The following MYO1B variants were observed in gnomAD, a reference collection of about 807,000 sequenced individuals.
MYO1B encodes the protein unconventional myosin-Ib.
MYO1B carries 72 observed loss-of-function variants against 159.7 expected under a neutral mutation model. The ratio of observed to expected loss-of-function variants is 0.45; its 90% CI spans 0.37 to 0.55. The LOEUF (loss-of-function observed/expected upper bound fraction) is 0.55, where lower values mean the gene tolerates loss of function less well. Among genes scored for constraint, MYO1B ranks in the 20% least tolerant of loss-of-function variants. The pLI, the probability that MYO1B is intolerant of heterozygous loss-of-function variation, is 0.00. For missense variants in MYO1B, 1,062 were observed against 1,364.8 expected (o/e 0.78, Z 3.50); for synonymous variants, 468 against 473.8 (o/e 0.99, Z 0.16).
chr2:191,385,795 GTTGA>G, intron 15 of MYO1B, 85 bp from the exon 16 acceptor site: 2 of 1,345,356 alleles, frequency 1.5e-6, no homozygotes, highest in Non-Finnish European at 2.1e-6. Context: ...TTGTGACTAA[GTTGA>G]TTGTGTTTGA....
chr2:191,398,826 C>G (rs1356443778), intron 21 of MYO1B, among the ~76,000 whole-genome samples: 1 of 151,860 alleles, frequency 6.6e-6, no homozygotes, highest in Admixed American at 6.5e-5. Context: ...AGACGATGGG[C>G]GGCCAGGCAG....
chr2:191,398,867 G>A (rs997014728), intron 21 of MYO1B, among the ~76,000 whole-genome samples: 2 of 152,168 alleles, frequency 1.3e-5, no homozygotes, highest in African/African-American at 2.4e-5. Context: ...ACGGGGTGGC[G>A]GCCGGGCAGA....
rs546743397 is a variant in MYO1B at position 191,286,703 on chromosome 2, C to T, written c.136-9408C>T. Among the ~76,000 whole-genome samples, 21 of 152,222 alleles carry T rather than the reference C, an allele frequency of 1.4e-4. No individual in the cohort carries two copies. In the East Asian group the frequency reaches 3.1e-3, roughly 22 times the overall value. On this transcript the variant is annotated intron_variant, in intron 2 of 30. Coordinates refer to ENST00000392318, the MANE Select transcript of MYO1B (RefSeq NM_001130158.3). The stretch of plus-strand genomic sequence containing the variant: ...ATCCCAGCACTTTGGGAGTCTGAGG[C>T]GGGCCGATTGCTTTAGTCGAGGAGT...
At chr2:191,270,040 G>A (rs1333121587) in intron 1 of MYO1B, among the ~76,000 whole-genome samples, 2 of 152,188 alleles carry the variant, frequency 1.3e-5, no homozygotes, top group African/African-American at 4.8e-5. Context: ...CTAATTTGGG[G>A]TAAAGGAGAA....
chr2:191,357,800 G>T (rs544934076), intron 7 of MYO1B, among the ~76,000 whole-genome samples: 12 of 152,318 alleles, frequency 7.9e-5, no homozygotes, highest in Non-Finnish European at 1.6e-4. Context: ...GCTTCAAGCT[G>T]TTAGATTATG....
At position 191,254,207 on chromosome 2, in the gene MYO1B, T is replaced by TTTTA. The variant is rs1034862269; in HGVS notation, c.-10+8597_-10+8600dup. Among the ~76,000 whole-genome samples the TTTTA allele has an allele frequency of 1.8e-4, 27 of 152,248 alleles. No homozygotes were observed. In the East Asian group the frequency reaches 3.9e-3, roughly 22 times the overall value. On this transcript the variant is annotated intron_variant, in intron 1 of 30. Transcript: ENST00000392318. ...TTGAAAATGTCATAATTCACTTTAT[T>TTTTA]TTTATTTATTTATTTATTTTTTGAG...
At position 191,371,584 on chromosome 2, in the gene MYO1B, G is replaced by A. The variant is rs559231697; in HGVS notation, c.1185+1292G>A. On this transcript the variant is annotated intron_variant, in intron 13 of 30. Coordinates refer to ENST00000392318, the MANE Select transcript of MYO1B (RefSeq NM_001130158.3). Reference sequence around the variant, plus strand: ...CCCAGGGTTATACAGCTACTTAGCGGCAGACTCAGGACCTAAACTCCAGGC... The same window carrying A: ...CCCAGGGTTATACAGCTACTTAGCGACAGACTCAGGACCTAAACTCCAGGC... 7.2e-5 allele frequency among the ~76,000 whole-genome samples: 11 copies of A among 152,262 alleles called. No homozygotes were observed. In the South Asian group the frequency reaches 2.3e-3, roughly 32 times the overall value.
chr2:191,371,170 G>A (rs1452989910), intron 13 of MYO1B: 1 of 151,940 alleles, frequency 6.6e-6, no homozygotes, highest in Non-Finnish European at 1.5e-5. Context: ...GAAGTAGATC[G>A]GGCTCCTCCT....
chr2:191,277,102 T>A, intron 2 of MYO1B, 72 bp downstream of exon 2: 1 of 1,527,286 alleles, frequency 6.5e-7, no homozygotes, highest in Non-Finnish European at 8.8e-7. Flanking sequence ...CTTTTCTTCC[T>A]CAGACTCTTC....
At chr2:191,399,670 A>G (rs922940162) in intron 21 of MYO1B, among the ~76,000 whole-genome samples, 10 of 152,224 alleles carry the variant, frequency 6.6e-5, no homozygotes, top group African/African-American at 2.2e-4. Context: ...TCCCGAGTCC[A>G]GCAACACTGA....
At chr2:191,256,728 A>G (rs1047070607) in intron 1 of MYO1B, among the ~76,000 whole-genome samples, 4 of 152,190 alleles carry the variant, frequency 2.6e-5, no homozygotes, top group African/African-American at 9.7e-5. Context: ...GAAGAAAGAA[A>G]AGTCAGGCTG....
At chr2:191,347,924 A>G (rs1218921629) in intron 6 of MYO1B, among the ~76,000 whole-genome samples, 1 of 152,170 alleles carries the variant, frequency 6.6e-6, no homozygotes, top group African/African-American at 2.4e-5. Flanking sequence ...TGACCTCTTC[A>G]CTGAGTAGTC....
chr2:191,393,859 C>T (rs1430861134), intron 20 of MYO1B, among the ~76,000 whole-genome samples: 1 of 151,962 alleles, frequency 6.6e-6, no homozygotes, highest in East Asian at 1.9e-4. Flanking sequence ...AGGCATACCA[C>T]AGGTATGAGA....
At chr2:191,309,039 CTG>C (rs1160191605) in intron 3 of MYO1B, among the ~76,000 whole-genome samples, 1 of 152,168 alleles carries the variant, frequency 6.6e-6, no homozygotes, top group East Asian at 1.9e-4. Flanking sequence ...CAAATACCCT[CTG>C]TGTGCTGATG....
Position 191,396,589 on chromosome 2 carries a change from C to G in MYO1B, c.2295+92C>G, listed in dbSNP as rs1419873429. On this transcript the variant is annotated intron_variant, in intron 21 of 30. Transcript: ENST00000392318. Reference sequence around the variant, plus strand: ...TTAGGGTCACCCTGCAGAGGAGGGGCTCCTCTGTCTCCTGCCTCGCCTGTA... The same window carrying G: ...TTAGGGTCACCCTGCAGAGGAGGGGGTCCTCTGTCTCCTGCCTCGCCTGTA... 1.8e-5 allele frequency: 20 copies of G among 1,106,788 alleles called. No individual in the cohort carries two copies. In the African/African-American group the frequency reaches 3.0e-4, roughly 16 times the overall value. The allele number at this position is 1,106,788 out of a possible 1,614,324, so 68.6% of individuals were successfully genotyped here.
At chr2:191,379,666 C>T (rs1694925594) in intron 13 of MYO1B, among the ~76,000 whole-genome samples, 4 of 151,986 alleles carry the variant, frequency 2.6e-5, no homozygotes, top group South Asian at 2.1e-4. Flanking sequence ...CCAGATAACA[C>T]ATTTGTTCCA....
chr2:191,347,341 G>T (rs1692633753), intron 6 of MYO1B, among the ~76,000 whole-genome samples: 1 of 152,156 alleles, frequency 6.6e-6, no homozygotes, highest in Non-Finnish European at 1.5e-5. Flanking sequence ...TAACTGATTT[G>T]ATCTGTGCCT....
chr2:191,319,809 A>G (rs1030355440), intron 3 of MYO1B, among the ~76,000 whole-genome samples: 3 of 152,190 alleles, frequency 2.0e-5, no homozygotes, highest in Non-Finnish European at 4.4e-5. Context: ...TTGAGTTCTA[A>G]CAAATTTCTT....
chr2:191,294,312 C>T (rs1469906239), intron 2 of MYO1B, among the ~76,000 whole-genome samples: 1 of 152,092 alleles, frequency 6.6e-6, no homozygotes, highest in African/African-American at 2.4e-5. Flanking sequence ...TTTCTGCTAA[C>T]AGCAAATCAA....
Sources: gnomAD v4.1 joint callset for allele counts (sites outside exome capture counted in the v4.1 genomes callset) on GRCh38, gnomAD v4.1.1 for gene constraint, MANE v1.5 for transcripts, NCBI Gene and HGNC (gene_info 2026-07-23, HGNC 2026-07-21) for gene names.